The following ST6GAL1 variants were observed in gnomAD, a reference collection of about 807,000 sequenced individuals.
ST6GAL1 encodes beta-galactoside alpha-2,6-sialyltransferase 1.
In ST6GAL1, 20 loss-of-function variants were observed where a neutral mutation model predicts 38.0. The ratio of observed to expected loss-of-function variants is 0.53; its 90% CI spans 0.37 to 0.77. ST6GAL1 has a LOEUF of 0.77. Ranked by LOEUF, ST6GAL1 falls within the 30% of genes least tolerant of loss-of-function variation. ST6GAL1 has a pLI of 0.00. For missense variants in ST6GAL1, 432 were observed against 496.4 expected (o/e 0.87, Z 1.23); for synonymous variants, 196 against 188.2 (o/e 1.04, Z -0.34).
At chr3:187,022,717 G>C (rs1312206439) in intron 2 of ST6GAL1, among the ~76,000 whole-genome samples, 1 of 152,196 alleles carries the variant, frequency 6.6e-6, no homozygotes. Context: ...TCCAAAGGCT[G>C]TCTGGCAGCC....
At chr3:187,059,759 T>G (rs1356747992) in intron 5 of ST6GAL1, among the ~76,000 whole-genome samples, 2 of 152,224 alleles carry the variant, frequency 1.3e-5, no homozygotes, top group East Asian at 3.8e-4. Flanking sequence ...CTATTGATAT[T>G]TGCAGACATT....
intron 5 of ST6GAL1, among the ~76,000 whole-genome samples, chr3:187,062,574 TCACA>T (rs57175575): frequency 0.015 from 2,148 of 143,876 alleles, 52 homozygotes; most frequent in African/African-American, 0.049. Context: ...AATAAGCCAG[TCACA>T]CACACACACA....
chr3:187,051,357 T>C lies in ST6GAL1; in HGVS notation c.705+11T>C. 5 of 1,613,370 alleles carry C rather than the reference T, an allele frequency of 3.1e-6. No homozygotes were observed. Among genetic ancestry groups the C allele is most frequent in the Non-Finnish European group, 4.2e-6 (5 of 1,179,354 alleles). ...CTGATGAACTCTCAGGTAAAATTTC[T>C]TCTGTGCAGCTATGGAGTAAGAGAA... is the stretch of plus-strand genomic sequence containing the variant. On this transcript the variant is annotated intron_variant, in intron 5 of 7. Coordinates refer to ENST00000169298, the MANE Select transcript of ST6GAL1 (RefSeq NM_173216.2).
chr3:187,029,254 G>A (rs545108807), intron 2 of ST6GAL1, among the ~76,000 whole-genome samples: 3 of 152,208 alleles, frequency 2.0e-5, no homozygotes, highest in South Asian at 2.1e-4. Context: ...GAGCAGCAGC[G>A]TGTCTATATG....
At chr3:187,004,937 A>G (rs1716732810) in intron 2 of ST6GAL1, among the ~76,000 whole-genome samples, 1 of 152,040 alleles carries the variant, frequency 6.6e-6, no homozygotes, top group Admixed American at 6.5e-5. Context: ...CTCAGCACTT[A>G]TTGAGTGCCA....
intron 2 of ST6GAL1, among the ~76,000 whole-genome samples, chr3:187,009,619 G>A (rs1410033072): frequency 1.3e-5 from 2 of 152,176 alleles, no homozygotes; most frequent in Non-Finnish European, 2.9e-5. Flanking sequence ...GTGACAGAGT[G>A]AGACCCGGTC....
intron 2 of ST6GAL1, among the ~76,000 whole-genome samples, chr3:186,992,280 A>G (rs1168328105): frequency 2.6e-5 from 4 of 151,954 alleles, no homozygotes; most frequent in Non-Finnish European, 1.5e-5. Context: ...ATGGTATTTT[A>G]AGTGTTTGGT....
At chr3:186,995,727 C>T (rs948845949) in intron 2 of ST6GAL1, among the ~76,000 whole-genome samples, 2 of 151,838 alleles carry the variant, frequency 1.3e-5, no homozygotes, top group Non-Finnish European at 2.9e-5. Context: ...GCCTGTAATC[C>T]CAGCTACTGG....
At chr3:186,970,907 T>C (rs764970650) in intron 2 of ST6GAL1, among the ~76,000 whole-genome samples, 3 of 152,240 alleles carry the variant, frequency 2.0e-5, no homozygotes, top group Non-Finnish European at 4.4e-5. Context: ...TTTGCTTCTC[T>C]GATATAAATG....
intron 2 of ST6GAL1, among the ~76,000 whole-genome samples, chr3:186,972,734 C>T (rs910956259): frequency 9.9e-5 from 15 of 152,084 alleles, no homozygotes; most frequent in African/African-American, 3.4e-4. Flanking sequence ...TCTTCACTGA[C>T]GAACTGGGGT....
At chr3:186,986,737 G>A (rs2108541859) in intron 2 of ST6GAL1, 1 of 152,274 alleles carries the variant, frequency 6.6e-6, no homozygotes, top group East Asian at 1.9e-4. Context: ...GGGAAGCAAG[G>A]GGACAAGAGA....
intron 5 of ST6GAL1, among the ~76,000 whole-genome samples, chr3:187,070,374 T>C (rs1719319845): frequency 6.7e-6 from 1 of 150,320 alleles, no homozygotes; most frequent in Non-Finnish European, 1.5e-5. Flanking sequence ...CCCTCTCTCA[T>C]GCTTACAGTC....
At chr3:187,015,841 G>GA (rs563183101) in intron 2 of ST6GAL1, among the ~76,000 whole-genome samples, 14 of 150,198 alleles carry the variant, frequency 9.3e-5, no homozygotes, top group Non-Finnish European at 1.5e-4. Flanking sequence ...CTTGTCTCAG[G>GA]AAAAAAAAAT....
chr3:187,076,964 T>C lies in ST6GAL1; in HGVS notation c.*1161T>C, dbSNP rs1719583341. On this transcript the variant is annotated 3_prime_UTR_variant, in exon 8 of 8. Transcript: ENST00000169298. Reference sequence around the variant, plus strand: ...CAATACCTACCCCCAAATCTTCTCCTAACCACCATCTGTTTTTTTTTTTTA... The same window carrying C: ...CAATACCTACCCCCAAATCTTCTCCCAACCACCATCTGTTTTTTTTTTTTA... The C allele has an allele frequency of 5.2e-6, 2 of 383,692 alleles. No individual in the cohort carries two copies. Among genetic ancestry groups the C allele is most frequent in the African/African-American group, 2.5e-5 (1 of 39,902 alleles). The allele number at this position is 383,692 out of a possible 1,614,324, so 23.8% of individuals were successfully genotyped here.
At chr3:187,039,286 A>G (rs1718045529) in intron 3 of ST6GAL1, among the ~76,000 whole-genome samples, 1 of 152,176 alleles carries the variant, frequency 6.6e-6, no homozygotes, top group Non-Finnish European at 1.5e-5. Context: ...TTCTTCCTCT[A>G]GAAGCCTCGT....
intron 1 of ST6GAL1, among the ~76,000 whole-genome samples, chr3:186,961,019 G>C (rs1714918440): frequency 6.6e-6 from 1 of 150,512 alleles, no homozygotes; most frequent in African/African-American, 2.5e-5. Context: ...ACTCAGGCTG[G>C]AGTGCAGTGA....
chr3:186,934,888 TC>T (rs1280726314), intron 1 of ST6GAL1, among the ~76,000 whole-genome samples: 3 of 151,972 alleles, frequency 2.0e-5, no homozygotes, highest in Non-Finnish European at 4.4e-5. Context: ...TGCCTCAGCC[TC>T]CCGAGTAGCT....
rs955582266 is a variant in ST6GAL1 at position 186,952,543 on chromosome 3, T to G, written c.-324-11242T>G. Reference sequence around the variant, plus strand: ...TTATTGAGATGGAGTCTCACTCTCTTACCCAGGCTGGAGTGCAGTGGCGCG... The same window carrying G: ...TTATTGAGATGGAGTCTCACTCTCTGACCCAGGCTGGAGTGCAGTGGCGCG... On this transcript the variant is annotated intron_variant, in intron 1 of 7. Transcript: ENST00000169298. The surrounding 1 kb of genome is among the most constrained non-coding windows in gnomAD (Gnocchi z 4.1). 2.0e-5 allele frequency among the ~76,000 whole-genome samples: 3 copies of G among 152,032 alleles called. No homozygotes were observed. The highest frequency in any genetic ancestry group is 4.4e-5 in the Non-Finnish European group (3 of 68,004).
intron 2 of ST6GAL1, among the ~76,000 whole-genome samples, chr3:186,976,039 C>T (rs565795491): frequency 6.6e-6 from 1 of 152,338 alleles, no homozygotes; most frequent in South Asian, 2.1e-4. Flanking sequence ...CAAGACAGCC[C>T]CTCAGGGTCT....
Sources: gnomAD v4.1 joint callset for allele counts (sites outside exome capture counted in the v4.1 genomes callset) on GRCh38, gnomAD v4.1.1 for gene constraint, Gnocchi (gnomAD v3.1) non-coding constraint, MANE v1.5 for transcripts, NCBI Gene and HGNC (gene_info 2026-07-23, HGNC 2026-07-21) for gene names.